Variants in ERCC3 observed in about 807,000 individuals in gnomAD.
ERCC3 encodes the protein general transcription and DNA repair factor IIH helicase/translocase subunit XPB.
Under a neutral mutation model 94.2 loss-of-function variants are expected in ERCC3, and 66 were observed. That is an observed-to-expected ratio of 0.70 (90% CI 0.57 to 0.86). ERCC3 has a LOEUF of 0.86. Ranked by LOEUF, ERCC3 falls within the 40% of genes least tolerant of loss-of-function variation. The pLI, the probability that ERCC3 is intolerant of heterozygous loss-of-function variation, is 0.00. For missense variants in ERCC3, 829 were observed against 987.1 expected (o/e 0.84, Z 2.15); for synonymous variants, 349 against 369.1 (o/e 0.95, Z 0.63).
intron 2 of ERCC3, 64 bp downstream of exon 2, chr2:127,293,449 T>G: frequency 6.9e-7 from 1 of 1,439,516 alleles, no homozygotes; most frequent in Non-Finnish European, 9.7e-7. Context: ...ACTCTGAGGA[T>G]GCCCAAGATT....
chr2:127,273,703 C>T (rs1368347689), intron 10 of ERCC3, among the ~76,000 whole-genome samples: 3 of 135,640 alleles, frequency 2.2e-5, no homozygotes, highest in African/African-American at 2.8e-5. Context: ...GAGCCGAGAT[C>T]GCGCCATTGC....
At chr2:127,276,926 T>C (rs1684751230) in intron 10 of ERCC3, among the ~76,000 whole-genome samples, 3 of 152,182 alleles carry the variant, frequency 2.0e-5, no homozygotes, top group Admixed American at 1.3e-4. Context: ...GAAGCTCCAA[T>C]GTTAGTTCTA....
intron 12 of ERCC3, among the ~76,000 whole-genome samples, chr2:127,263,769 G>C (rs1323374783): frequency 6.7e-6 from 1 of 150,172 alleles, no homozygotes; most frequent in Non-Finnish European, 1.5e-5. Flanking sequence ...GTGCAGTGGC[G>C]TGATCTCGGC....
At chr2:127,273,463 C>T (rs1684629813) in intron 10 of ERCC3, among the ~76,000 whole-genome samples, 1 of 152,054 alleles carries the variant, frequency 6.6e-6, no homozygotes, top group East Asian at 1.9e-4. Flanking sequence ...TAATTTCTAG[C>T]TCCCTGCCAG....
chr2:127,279,486 G>C lies in ERCC3; in HGVS notation c.1528-111C>G. 5 of 845,936 alleles carry C rather than the reference G, an allele frequency of 5.9e-6. No homozygotes were observed. Among genetic ancestry groups the C allele is most frequent in the Non-Finnish European group, 1.0e-5 (5 of 502,004 alleles). The allele number at this position is 845,936 out of a possible 1,614,324, so 52.4% of individuals were successfully genotyped here. ...TTAGCTTTAAAACAAAACCAGTCAG[G>C]TGCAGTGGCTCATGCCTGTAATGCC... On this transcript the variant is annotated intron_variant, in intron 9 of 14. Transcript: ENST00000285398. This position sits in a 1 kb window ranked among gnomAD's most constrained non-coding sequence, Gnocchi z 4.7.
chr2:127,259,600 A>C lies in ERCC3; in HGVS notation c.2065-152T>G. The C allele has an allele frequency of 1.1e-6, 1 of 936,650 alleles. No homozygotes were observed. Among genetic ancestry groups the C allele is most frequent in the South Asian group, 1.3e-5 (1 of 75,970 alleles). The allele number at this position is 936,650 out of a possible 1,614,324, so 58.0% of individuals were successfully genotyped here. A position where few individuals can be genotyped will look rare whatever the true frequency, so the allele number is the denominator to read the frequency against. On this transcript the variant is annotated intron_variant, in intron 13 of 14. Coordinates refer to ENST00000285398, the MANE Select transcript of ERCC3 (RefSeq NM_000122.2). This position sits in a 1 kb window ranked among gnomAD's most constrained non-coding sequence, Gnocchi z 4.9. Reference sequence around the variant, plus strand: ...ATGGAGAGCTCCTCCCTAGCATTCCAGAGACCAGCATCAGGAGCCGCCTTT... The same window carrying C: ...ATGGAGAGCTCCTCCCTAGCATTCCCGAGACCAGCATCAGGAGCCGCCTTT...
Position 127,271,245 on chromosome 2 carries a change from G to A in ERCC3, c.1945+91C>T. On this transcript the variant is annotated intron_variant, in intron 12 of 14. Transcript: ENST00000285398. This position sits in a 1 kb window ranked among gnomAD's most constrained non-coding sequence, Gnocchi z 5.0. The stretch of plus-strand genomic sequence containing the variant: ...CCTCCAGAGTCTATTTAGCCCCAGG[G>A]CACATGGCAGCTCTCACCCCTATCG... The A allele has an allele frequency of 1.1e-6, 1 of 877,106 alleles. No homozygotes were observed. Among genetic ancestry groups the A allele is most frequent in the South Asian group, 1.3e-5 (1 of 76,194 alleles). The allele number at this position is 877,106 out of a possible 1,614,324, so 54.3% of individuals were successfully genotyped here.
intron 12 of ERCC3, chr2:127,262,688 T>C (rs934437527): frequency 2.0e-5 from 3 of 152,226 alleles, no homozygotes; most frequent in Admixed American, 6.5e-5. Context: ...GGGTTTCTTT[T>C]GGGAGCTGAT....
chr2:127,261,389 A>G, intron 12 of ERCC3, 43 bp from the exon 13 acceptor site: 2 of 1,220,948 alleles, frequency 1.6e-6, no homozygotes, highest in Non-Finnish European at 1.2e-6. Context: ...AGACAACATT[A>G]GCCATTAGAA....
chr2:127,287,132 T>C (rs55684435), intron 7 of ERCC3, 115 bp from the exon 8 acceptor site: 5 of 783,286 alleles, frequency 6.4e-6, no homozygotes, highest in African/African-American at 1.7e-5. Context: ...ACAGTCCACA[T>C]AGCTGACATC....
intron 12 of ERCC3, among the ~76,000 whole-genome samples, chr2:127,269,417 CT>C (rs70985445): frequency 0.17 from 18,910 of 113,490 alleles, 979 homozygotes; most frequent in South Asian, 0.26. Context: ...ATTCTATTCA[CT>C]TTTTTTTTTT....
chr2:127,293,900 G>C, intron 1 of ERCC3, 154 bp downstream of exon 1: 3 of 1,524,894 alleles, frequency 2.0e-6, no homozygotes, highest in East Asian at 2.4e-5. Context: ...CCCAGGTCCA[G>C]CATCTCTCCC....
At chr2:127,278,909 C>A (rs1375848498) in intron 10 of ERCC3, among the ~76,000 whole-genome samples, 2 of 152,142 alleles carry the variant, frequency 1.3e-5, no homozygotes, top group African/African-American at 2.4e-5. Flanking sequence ...TCCATGGGGC[C>A]CCACCCAGCT....
chr2:127,286,627 G>T, intron 8 of ERCC3, 76 bp downstream of exon 8: 1 of 1,409,184 alleles, frequency 7.1e-7, no homozygotes. Context: ...CTACACAGCA[G>T]TCCCTTTCCC....
At chr2:127,292,368 C>T (rs1685300834) in intron 3 of ERCC3, 1 of 590,690 alleles carries the variant, frequency 1.7e-6, no homozygotes, top group South Asian at 1.8e-5. Context: ...TCATGAGAAG[C>T]GTGGCCTCAC....
intron 12 of ERCC3, chr2:127,261,879 G>A (rs4150512): frequency 0.083 from 14,782 of 179,136 alleles, 834 homozygotes; most frequent in African/African-American, 0.17. Flanking sequence ...CATTGCTGTT[G>A]AGAATGTAAA....
chr2:127,259,479 T>C lies in ERCC3; in HGVS notation c.2065-31A>G, dbSNP rs1213338036. Reference sequence around the variant, plus strand: ...AAGCCCAAGCCAGCAGACATGCCCCTTTCTGCTCTCTCTCCCCAGCCCTCC... The same window carrying C: ...AAGCCCAAGCCAGCAGACATGCCCCCTTCTGCTCTCTCTCCCCAGCCCTCC... On this transcript the variant is annotated intron_variant, in intron 13 of 14. Coordinates refer to ENST00000285398, the MANE Select transcript of ERCC3 (RefSeq NM_000122.2). The surrounding 1 kb of genome is among the most constrained non-coding windows in gnomAD (Gnocchi z 4.9). The C allele has an allele frequency of 6.2e-7, 1 of 1,613,648 alleles. No homozygotes were observed. The highest frequency in any genetic ancestry group is 8.5e-7 in the Non-Finnish European group (1 of 1,180,008).
chr2:127,287,427 G>C (rs1685115577), intron 7 of ERCC3, among the ~76,000 whole-genome samples: 1 of 152,062 alleles, frequency 6.6e-6, no homozygotes, highest in African/African-American at 2.4e-5. Flanking sequence ...GAGGTCAGGA[G>C]TTCAAGACCA....
intron 12 of ERCC3, among the ~76,000 whole-genome samples, chr2:127,269,378 T>C (rs1046371763): frequency 2.6e-5 from 4 of 151,970 alleles, no homozygotes; most frequent in Admixed American, 2.6e-4. Flanking sequence ...CCAAGTGTCA[T>C]GTTAAACAGT....
Sources: gnomAD v4.1 joint callset for allele counts (sites outside exome capture counted in the v4.1 genomes callset) on GRCh38, gnomAD v4.1.1 for gene constraint, Gnocchi (gnomAD v3.1) non-coding constraint, MANE v1.5 for transcripts, NCBI Gene and HGNC (gene_info 2026-07-23, HGNC 2026-07-21) for gene names.